TMEM150C: variants seen among roughly 807,000 people sequenced by gnomAD.
TMEM150C encodes transmembrane protein 150C, also known as tentonin 3.
In TMEM150C, 10 loss-of-function variants were observed where a neutral mutation model predicts 29.9. The observed-to-expected ratio is 0.33, with a 90% CI of 0.21 to 0.57. The LOEUF (loss-of-function observed/expected upper bound fraction) is 0.57. TMEM150C is among the 20% of genes least tolerant of loss of function. TMEM150C has a pLI of 0.88. For missense variants in TMEM150C, 251 were observed against 303.6 expected, an observed-to-expected ratio of 0.83 and a Z score of 1.29; for synonymous variants, 101 against 112.5, an observed-to-expected ratio of 0.90 and a Z score of 0.64.
intron 1 of TMEM150C, among the ~76,000 whole-genome samples, chr4:82,507,747 TTTTTTTTTTTTTTTTTTTTG>T (rs1419871801): frequency 3.4e-5 from 4 of 116,630 alleles, no homozygotes; most frequent in Non-Finnish European, 7.2e-5. Flanking sequence ...TTTTTTTTTT[TTTTTTTTTTTTTTTTTTTTG>T]AGACACGATC....
chr4:82,495,629 C>A, intron 6 of TMEM150C: 1 of 325,016 alleles, frequency 3.1e-6, no homozygotes, highest in South Asian at 2.9e-5. Context: ...TTTCCTTGGT[C>A]TATATATAAC....
chr4:82,531,379 G>A (rs939525679), intron 1 of TMEM150C, among the ~76,000 whole-genome samples: 3 of 152,030 alleles, frequency 2.0e-5, no homozygotes, highest in Non-Finnish European at 4.4e-5. Flanking sequence ...TAACCCAGGT[G>A]GACTATGTAG....
chr4:82,495,058 G>A (rs1382137741), intron 6 of TMEM150C: 4 of 1,219,326 alleles, frequency 3.3e-6, no homozygotes, highest in Non-Finnish European at 3.4e-6. Flanking sequence ...ACAAGATGCT[G>A]AATCTTGGGT....
intron 6 of TMEM150C, chr4:82,490,996 C>T (rs1041147270): frequency 3.4e-5 from 25 of 738,964 alleles, no homozygotes; most frequent in Non-Finnish European, 5.7e-5. Context: ...CCTTTGTCTT[C>T]CAAGTTAACC....
rs765077336 is a variant in TMEM150C, at chr4:82,490,185, A to T, written c.417T>A (p.Phe139Leu). ...CCTGGATCCAGCAGGTCAATGTGCCAAATCCAAAGGTCAAGGAAGTTCCGA... is the reference window on the plus strand; with the variant it reads ...CCTGGATCCAGCAGGTCAATGTGCCTAATCCAAAGGTCAAGGAAGTTCCGA... Reference protein sequence around the residue: ...HNVGTSLTFGFGTLTCWIQAA... With the variant: ...HNVGTSLTFGLGTLTCWIQAA... The change falls in exon 7 of 8, where the codon TTT (phenylalanine) becomes TTA (leucine). Residue 139 changes from phenylalanine to leucine, a missense_variant. Transcript: ENST00000449862. 1 of 1,614,018 alleles carries T rather than the reference A, an allele frequency of 6.2e-7. No homozygotes were observed.
chr4:82,553,974 T>G (rs1725662036), intron 1 of TMEM150C, among the ~76,000 whole-genome samples: 1 of 152,168 alleles, frequency 6.6e-6, no homozygotes, highest in African/African-American at 2.4e-5. Flanking sequence ...GAAACACCAA[T>G]CAAAATGTCA....
At position 82,502,946 on chromosome 4, in the gene TMEM150C, A is replaced by C. The variant is rs780654298; in HGVS notation, c.135-19T>G. On this transcript the variant is annotated intron_variant, in intron 3 of 7. Coordinates refer to ENST00000449862, the MANE Select transcript of TMEM150C (RefSeq NM_001080506.3). ...AGGTTTCCTGGATAATAAAAAAAAA[A>C]AACACAGAAGCTCAGGTTAAAGCAC... 9.8e-5 allele frequency: 156 copies of C among 1,586,014 alleles called. No individual in the cohort carries two copies. The highest frequency in any genetic ancestry group is 1.2e-4 in the Non-Finnish European group (145 of 1,166,906).
intron 1 of TMEM150C, among the ~76,000 whole-genome samples, chr4:82,537,385 G>T (rs945773486): frequency 2.0e-5 from 3 of 152,186 alleles, no homozygotes; most frequent in Non-Finnish European, 4.4e-5. Context: ...ACTTAATGCA[G>T]GCAAAGAGGT....
In TMEM150C at chr4:82,491,573, C is replaced by CT. The variant is rs1723348033; in HGVS notation, c.364-1336dup. ...GATTCACCACTTTCTTGGCCTCCTGCTTCTTCATGACAGCAGGGGCCGGAG... is the reference window on the plus strand; with the variant it reads ...GATTCACCACTTTCTTGGCCTCCTGCTTTCTTCATGACAGCAGGGGCCGGAG... On this transcript the variant is annotated intron_variant, in intron 6 of 7. Transcript: ENST00000449862. 4.6e-6 allele frequency: 3 copies of CT among 658,134 alleles called. No homozygotes were observed. In the East Asian group the frequency reaches 8.1e-5, roughly 18 times the overall value. The allele number at this position is 658,134 out of a possible 1,614,324, so 40.8% of individuals were successfully genotyped here. A position where few individuals can be genotyped will look rare whatever the true frequency, so the allele number is the denominator to read the frequency against.
At chr4:82,517,961 C>G (rs1724346977) in intron 1 of TMEM150C, among the ~76,000 whole-genome samples, 1 of 152,210 alleles carries the variant, frequency 6.6e-6, no homozygotes. Flanking sequence ...TGCAAGCTCA[C>G]TGCTAAGAGG....
intron 7 of TMEM150C, among the ~76,000 whole-genome samples, chr4:82,487,001 C>T (rs762989194): frequency 1.6e-4 from 24 of 152,054 alleles, no homozygotes; most frequent in Non-Finnish European, 2.5e-4. Context: ...GACCTGAAAT[C>T]GGGAAATTTT....
intron 1 of TMEM150C, among the ~76,000 whole-genome samples, chr4:82,526,638 C>A (rs1294440075): frequency 6.6e-6 from 1 of 152,116 alleles, no homozygotes; most frequent in Non-Finnish European, 1.5e-5. Context: ...CTCAGGGTCA[C>A]ACAGCTAGTA....
chr4:82,511,977 A>C (rs1578133753), intron 1 of TMEM150C, among the ~76,000 whole-genome samples: 1 of 152,210 alleles, frequency 6.6e-6, no homozygotes, highest in African/African-American at 2.4e-5. Flanking sequence ...ATAGAAGTCT[A>C]ATTTTATTAG....
At chr4:82,535,360 TAGC>T (rs1258399308) in intron 1 of TMEM150C, among the ~76,000 whole-genome samples, 6 of 152,212 alleles carry the variant, frequency 3.9e-5, no homozygotes, top group African/African-American at 1.4e-4. Context: ...ACTCTCTCAA[TAGC>T]AGCATTAATC....
At chr4:82,485,790 C>A in intron 7 of TMEM150C, 71 bp from the exon 8 acceptor site, 1 of 1,398,674 alleles carries the variant, frequency 7.1e-7, no homozygotes, top group South Asian at 1.3e-5. Context: ...AGGGCAGAGA[C>A]AGATTATAGG....
chr4:82,560,720 A>C (rs934749757), intron 1 of TMEM150C, among the ~76,000 whole-genome samples: 3 of 152,208 alleles, frequency 2.0e-5, no homozygotes. Context: ...ACACTCAACT[A>C]TCCTTTCGAT....
intron 1 of TMEM150C, among the ~76,000 whole-genome samples, chr4:82,507,905 C>T (rs1723991813): frequency 6.6e-6 from 1 of 151,694 alleles, no homozygotes; most frequent in South Asian, 2.1e-4. Flanking sequence ...CACCACCACA[C>T]CTGGCTAATT....
intron 1 of TMEM150C, among the ~76,000 whole-genome samples, chr4:82,519,535 C>G (rs1304133399): frequency 6.6e-6 from 1 of 152,098 alleles, no homozygotes; most frequent in South Asian, 2.1e-4. Context: ...AAGTGATTCT[C>G]CTGCCTCAGC....
chr4:82,515,073 A>C (rs1223667671), intron 1 of TMEM150C, among the ~76,000 whole-genome samples: 6 of 152,142 alleles, frequency 3.9e-5, no homozygotes, highest in African/African-American at 1.2e-4. Flanking sequence ...TAGCTACTAG[A>C]GAGGTACATT....
Sources: gnomAD v4.1 joint callset for allele counts (sites outside exome capture counted in the v4.1 genomes callset) on GRCh38, gnomAD v4.1.1 for gene constraint, MANE v1.5 for transcripts, NCBI Gene and HGNC (gene_info 2026-07-23, HGNC 2026-07-21) for gene names.